The following CSMD1 variants were observed in gnomAD, a reference collection of about 807,000 sequenced individuals.
The protein encoded by CSMD1 is CUB and Sushi multiple domains 1.
Under a neutral mutation model 417.5 loss-of-function variants are expected in CSMD1, and 213 were observed. The observed-to-expected ratio is 0.51, with a 90% confidence interval of 0.46 to 0.57. CSMD1 has a LOEUF of 0.57. Among genes scored for constraint, CSMD1 ranks in the 20% least tolerant of loss-of-function variants. CSMD1 has a pLI of 0.00. For missense variants in CSMD1, 6,923 were observed against 4,529.7 expected (o/e 1.53, Z -15.17); for synonymous variants, 2,862 against 1,736.8 (o/e 1.65, Z -16.11).
At chr8:4,313,980 C>G (rs545867143) in intron 3 of CSMD1, among the ~76,000 whole-genome samples, 37 of 151,714 alleles carry the variant, frequency 2.4e-4, no homozygotes, top group African/African-American at 8.2e-4. Context: ...CGCCCCTGCA[C>G]TCCAGCCTGG....
At chr8:3,446,268 G>A (rs1473741725) in intron 12 of CSMD1, among the ~76,000 whole-genome samples, 1 of 152,242 alleles carries the variant, frequency 6.6e-6, no homozygotes, top group Non-Finnish European at 1.5e-5. Flanking sequence ...TCGGAAACGT[G>A]TGCTGCATGG....
intron 2 of CSMD1, among the ~76,000 whole-genome samples, chr8:4,542,255 T>C (rs897299581): frequency 6.6e-6 from 1 of 152,180 alleles, no homozygotes; most frequent in Non-Finnish European, 1.5e-5. Flanking sequence ...AAATACCTTT[T>C]TTTTGAAATA....
intron 5 of CSMD1, among the ~76,000 whole-genome samples, chr8:3,764,523 C>A (rs6558820): frequency 0.98 from 149,128 of 152,222 alleles, 73,101 homozygotes; most frequent in East Asian, 1. Context: ...GATGTCACAC[C>A]TGAGACATCA....
chr8:4,677,793 T>C (rs1805788571), intron 1 of CSMD1, among the ~76,000 whole-genome samples: 1 of 152,000 alleles, frequency 6.6e-6, no homozygotes, highest in Non-Finnish European at 1.5e-5. Context: ...GAAGGTAATG[T>C]AAAAATGACA....
chr8:4,313,215 C>T (rs544171571), intron 3 of CSMD1, among the ~76,000 whole-genome samples: 97 of 152,092 alleles, frequency 6.4e-4, no homozygotes, highest in East Asian at 9.7e-4. Context: ...ACAGGAAAAG[C>T]TTAACAACCC....
intron 5 of CSMD1, among the ~76,000 whole-genome samples, chr8:3,764,201 T>C (rs192412821): frequency 1.3e-5 from 2 of 152,126 alleles, no homozygotes; most frequent in South Asian, 2.1e-4. Flanking sequence ...ACGCATTAGG[T>C]CACTAAGTCA....
At chr8:3,987,490 A>G (rs944748960) in intron 5 of CSMD1, among the ~76,000 whole-genome samples, 3 of 152,130 alleles carry the variant, frequency 2.0e-5, no homozygotes, top group African/African-American at 7.2e-5. Context: ...AGTATCTTTA[A>G]TCTCCTTTTT....
rs569320557 is a variant in CSMD1 at position 4,961,757 on chromosome 8, T to C, written c.85+32575A>G. On this transcript the variant is annotated intron_variant, in intron 1 of 69. Transcript: ENST00000635120. ...TCTGAGTTTCACAACATTTTCAATC[T>C]AGCAATTTCTGTCCATTTCTGAGAC... is the stretch of plus-strand genomic sequence containing the variant. 1.1e-3 allele frequency among the ~76,000 whole-genome samples: 166 copies of C among 152,288 alleles called. 1 individual carries two copies. The highest frequency in any genetic ancestry group is 3.7e-3 in the African/African-American group (154 of 41,570).
intron 30 of CSMD1, among the ~76,000 whole-genome samples, chr8:3,210,171 G>C (rs1797520735): frequency 6.6e-6 from 1 of 152,108 alleles, no homozygotes; most frequent in Non-Finnish European, 1.5e-5. Flanking sequence ...ACAGGCGCTG[G>C]TTCATGCACA....
intron 3 of CSMD1, among the ~76,000 whole-genome samples, chr8:4,259,083 T>C (rs963594816): frequency 3.3e-5 from 5 of 152,184 alleles, no homozygotes; most frequent in African/African-American, 1.2e-4. Flanking sequence ...CTGATGATTT[T>C]GATGTAGCAT....
At chr8:4,813,898 G>T (rs989115529) in intron 1 of CSMD1, among the ~76,000 whole-genome samples, 1 of 152,052 alleles carries the variant, frequency 6.6e-6, no homozygotes, top group Non-Finnish European at 1.5e-5. Context: ...TTACAAGTAG[G>T]TCAATCTACT....
intron 2 of CSMD1, among the ~76,000 whole-genome samples, chr8:4,628,174 T>C (rs1802233661): frequency 1.3e-5 from 2 of 151,626 alleles, no homozygotes; most frequent in Admixed American, 1.3e-4. Flanking sequence ...GAATGATTTT[T>C]AAAATTTTTC....
chr8:4,210,073 C>G (rs1800217154), intron 3 of CSMD1, among the ~76,000 whole-genome samples: 1 of 152,182 alleles, frequency 6.6e-6, no homozygotes, highest in Non-Finnish European at 1.5e-5. Flanking sequence ...AGTCCCACCT[C>G]CTACCTCACC....
intron 11 of CSMD1, among the ~76,000 whole-genome samples, chr8:3,476,344 T>C (rs1323041303): frequency 6.6e-6 from 1 of 152,232 alleles, no homozygotes; most frequent in East Asian, 1.9e-4. Context: ...TACATGTGTT[T>C]TTCCAATTCC....
At chr8:4,175,849 A>G (rs1798009588) in intron 3 of CSMD1, among the ~76,000 whole-genome samples, 1 of 152,194 alleles carries the variant, frequency 6.6e-6, no homozygotes, top group Non-Finnish European at 1.5e-5. Context: ...CTGGAAAGAA[A>G]TAACCAAAAT....
rs144302661 is a variant in CSMD1, at chr8:3,908,047, C to T, written c.818+89856G>A. ...GGAGGACTCCATAGGTATTTGACCCCAAAGTCTGACTCTCAAATTGCAGTC... is the reference window on the plus strand; with the variant it reads ...GGAGGACTCCATAGGTATTTGACCCTAAAGTCTGACTCTCAAATTGCAGTC... On this transcript the variant is annotated intron_variant, in intron 5 of 69. Coordinates refer to ENST00000635120, the MANE Select transcript of CSMD1 (RefSeq NM_033225.6). 7.9e-4 allele frequency among the ~76,000 whole-genome samples: 120 copies of T among 152,176 alleles called. No homozygotes were observed. In the East Asian group the frequency reaches 0.022, roughly 28 times the overall value.
intron 26 of CSMD1, among the ~76,000 whole-genome samples, chr8:3,241,019 C>G (rs75789172): frequency 0.59 from 85,497 of 145,800 alleles, 25,558 homozygotes; most frequent in Non-Finnish European, 0.63. Context: ...GGTGCATGAT[C>G]GGTCACCAAG....
Position 3,795,827 on chromosome 8 carries a change from T to C in CSMD1, c.819-41785A>G, listed in dbSNP as rs190181394. Among the ~76,000 whole-genome samples, 128 of 56,980 alleles carry C rather than the reference T, an allele frequency of 2.2e-3. 17 individuals carry two copies. The East Asian group carries it at 0.032, about 14-fold the overall frequency. The allele number at this position is 56,980 out of a possible 152,430, so 37.4% of individuals were successfully genotyped here. On this transcript the variant is annotated intron_variant, in intron 5 of 69. Coordinates refer to ENST00000635120, the MANE Select transcript of CSMD1 (RefSeq NM_033225.6). ...TATCATGTACAGATATAGATATATA[T>C]CTATCATGTACAGATATAGATATAT...
intron 3 of CSMD1, among the ~76,000 whole-genome samples, chr8:4,319,436 T>C (rs1799132256): frequency 6.6e-6 from 1 of 152,132 alleles, no homozygotes; most frequent in South Asian, 2.1e-4. Flanking sequence ...CCTACACTTC[T>C]TTCCAAAATC....
Sources: gnomAD v4.1 joint callset for allele counts (sites outside exome capture counted in the v4.1 genomes callset) on GRCh38, gnomAD v4.1.1 for gene constraint, MANE v1.5 for transcripts, NCBI Gene and HGNC (gene_info 2026-07-23, HGNC 2026-07-21) for gene names.